The following VAV2 variants were observed in gnomAD, a reference collection of about 807,000 sequenced individuals.
The protein encoded by VAV2 is vav guanine nucleotide exchange factor 2.
In VAV2, 67 loss-of-function variants were observed where a neutral mutation model predicts 132.5. That is an observed-to-expected ratio of 0.51 (90% confidence interval 0.42 to 0.62). The LOEUF is 0.62. VAV2 is among the 20% of genes least tolerant of loss of function. The pLI, the probability that VAV2 is intolerant of heterozygous loss-of-function variation, is 0.00. For synonymous variants in VAV2, 492 were observed against 443.5 expected, an observed-to-expected ratio of 1.11 and a Z score of -1.37; for missense variants, 938 against 1,153.6, an observed-to-expected ratio of 0.81 and a Z score of 2.71.
intron 2 of VAV2, among the ~76,000 whole-genome samples, chr9:133,862,572 A>G (rs1425682676): frequency 6.6e-6 from 1 of 152,208 alleles, no homozygotes; most frequent in Non-Finnish European, 1.5e-5. Flanking sequence ...GCGCAGCTGT[A>G]TGTGCATGTG....
At position 133,833,157 on chromosome 9, in the gene VAV2, G is replaced by A. The variant is rs1836327408; in HGVS notation, c.449+1115C>T. ...TCTTTCACAGAAGTGCATGAGACTG[G>A]GCCGCCAGCGTGGTGCCACATGCTG... is the stretch of plus-strand genomic sequence containing the variant. On this transcript the variant is annotated intron_variant, in intron 4 of 29. Transcript: ENST00000371850. The surrounding 1 kb of genome is among the most constrained non-coding windows in gnomAD (Gnocchi z 5.6). Among the ~76,000 whole-genome samples the A allele has an allele frequency of 1.3e-5, 2 of 152,142 alleles. No individual in the cohort carries two copies. Among genetic ancestry groups the A allele is most frequent in the African/African-American group, 4.8e-5 (2 of 41,430 alleles).
chr9:133,861,412 C>T lies in VAV2; in HGVS notation c.342G>A (p.Arg114=). 2.5e-6 allele frequency: 4 copies of T among 1,613,408 alleles called. No individual in the cohort carries two copies. The highest frequency in any genetic ancestry group is 3.4e-6 in the Non-Finnish European group (4 of 1,179,780). Residue 114 remains arginine (R), a synonymous_variant, in exon 3 of 30, where the codon AGG becomes AGA. Transcript: ENST00000371850. Reference sequence around the variant, plus strand: ...TCTGCGCGATGCTGTGCAGGGAGAGCCTCGACACCGCGGAGATGACCTGGG... The same window carrying T: ...TCTGCGCGATGCTGTGCAGGGAGAGTCTCGACACCGCGGAGATGACCTGGG... ...DFGKVISAVS[R]LSLHSIAQNK... is the part of the protein sequence containing the mutation.
chr9:133,933,638 T>G (rs895288434), intron 2 of VAV2, among the ~76,000 whole-genome samples: 2 of 148,512 alleles, frequency 1.3e-5, no homozygotes, highest in East Asian at 2.0e-4. Flanking sequence ...GATGGATGGA[T>G]GGATGAATGG....
In VAV2 at chr9:133,824,949, C is replaced by T. The variant is rs1161744156; in HGVS notation, c.449+9323G>A. Reference sequence around the variant, plus strand: ...TTGACAGAGGGACCCTCCGGGGACGCTGGCTTCATTCACTCCATTCTGCCA... The same window carrying T: ...TTGACAGAGGGACCCTCCGGGGACGTTGGCTTCATTCACTCCATTCTGCCA... On this transcript the variant is annotated intron_variant, in intron 4 of 29. Coordinates refer to ENST00000371850, the MANE Select transcript of VAV2 (RefSeq NM_001134398.2). This position sits in a 1 kb window ranked among gnomAD's most constrained non-coding sequence, Gnocchi z 5.2. Among the ~76,000 whole-genome samples the T allele has an allele frequency of 6.6e-6, 1 of 152,230 alleles. No individual in the cohort carries two copies. Among genetic ancestry groups the T allele is most frequent in the Non-Finnish European group, 1.5e-5 (1 of 68,046 alleles).
rs1834324903 is a variant in VAV2, at chr9:133,788,504, G to A, written c.1275-18C>T. 1 of 1,601,572 alleles carries A rather than the reference G, an allele frequency of 6.2e-7. No homozygotes were observed. Among genetic ancestry groups the A allele is most frequent in the Non-Finnish European group, 8.5e-7 (1 of 1,170,160 alleles). On this transcript the variant is annotated intron_variant, in intron 14 of 29. Coordinates refer to ENST00000371850, the MANE Select transcript of VAV2 (RefSeq NM_001134398.2). The surrounding 1 kb of genome is among the most constrained non-coding windows in gnomAD (Gnocchi z 5.3). ...ACAAGTACCTGGGCCAGGCAGCGCA[G>A]CGGGGGATCAGCACCCCAGCACTGT...
intron 12 of VAV2, 24 bp downstream of exon 12, chr9:133,795,644 C>A: frequency 6.2e-7 from 1 of 1,613,728 alleles, no homozygotes; most frequent in African/African-American, 1.3e-5. Flanking sequence ...GTGGCTTCTC[C>A]CCTGCCTCAG....
At chr9:133,832,619 C>A (rs976874058) in intron 4 of VAV2, among the ~76,000 whole-genome samples, 1 of 151,916 alleles carries the variant, frequency 6.6e-6, no homozygotes, top group East Asian at 1.9e-4. Context: ...AGTGCAGTGG[C>A]GCAATCTTGG....
chr9:133,880,972 CA>C (rs1838469134), intron 2 of VAV2, among the ~76,000 whole-genome samples: 1 of 152,202 alleles, frequency 6.6e-6, no homozygotes, highest in African/African-American at 2.4e-5. Flanking sequence ...GTGGCTACAG[CA>C]CAGTCCCCCC....
At chr9:133,828,464 G>C (rs605858) in intron 4 of VAV2, among the ~76,000 whole-genome samples, 191 of 6,808 alleles carry the variant, frequency 0.028, 29 homozygotes, top group Middle Eastern at 0.12. Flanking sequence ...GGCATCGCCA[G>C]CTACCGCTGC....
intron 1 of VAV2, among the ~76,000 whole-genome samples, chr9:133,967,672 C>T (rs1024602279): frequency 6.6e-6 from 1 of 152,126 alleles, no homozygotes; most frequent in East Asian, 1.9e-4. Flanking sequence ...TGGCTCACAC[C>T]TATAATCCCA....
At chr9:133,981,554 G>C (rs563427239) in intron 1 of VAV2, among the ~76,000 whole-genome samples, 9 of 152,360 alleles carry the variant, frequency 5.9e-5, no homozygotes, top group East Asian at 1.9e-4. Flanking sequence ...CGAGTCCTGA[G>C]GCTCAGTGGG....
chr9:133,970,611 C>G (rs988266922), intron 1 of VAV2, among the ~76,000 whole-genome samples: 15 of 152,188 alleles, frequency 9.9e-5, no homozygotes, highest in Non-Finnish European at 1.9e-4. Context: ...TTCCCTGGGC[C>G]CAGCCTTGCT....
Position 133,834,279 on chromosome 9 carries a change from G to A in VAV2, c.442C>T (p.Leu148=). 1 of 1,609,904 alleles carries A rather than the reference G, an allele frequency of 6.2e-7. No homozygotes were observed. The highest frequency in any genetic ancestry group is 8.5e-7 in the Non-Finnish European group (1 of 1,178,208). Residue 148 remains leucine, a synonymous_variant, in exon 4 of 30, where the codon CTG becomes TTG. Transcript: ENST00000371850. The surrounding 1 kb of genome is among the most constrained non-coding windows in gnomAD (Gnocchi z 5.9). The stretch of plus-strand genomic sequence containing the variant: ...CCCATCCCCCCGCCTTACTCGGCCA[G>A]CTCCTCCAGGCTGCGGTAGACGTCA... ...DDDVYRSLEE[L]ADEHDLGEDI...
At chr9:133,782,250 T>G (rs1463864386) in intron 19 of VAV2, among the ~76,000 whole-genome samples, 2 of 152,156 alleles carry the variant, frequency 1.3e-5, no homozygotes, top group Non-Finnish European at 2.9e-5. Context: ...TCCAAATTTT[T>G]GATAAGTAAA....
chr9:133,862,854 T>C (rs1452002980), intron 2 of VAV2, among the ~76,000 whole-genome samples: 1 of 152,170 alleles, frequency 6.6e-6, no homozygotes, highest in Non-Finnish European at 1.5e-5. Context: ...CCAGCAGCAA[T>C]TTTCAAAAGG....
chr9:133,820,885 G>A (rs1053465470), intron 4 of VAV2, among the ~76,000 whole-genome samples: 1 of 152,184 alleles, frequency 6.6e-6, no homozygotes, highest in Non-Finnish European at 1.5e-5. Context: ...TCACCTCAGC[G>A]TTCTCACTAG....
At chr9:133,766,261 G>A (rs1224821959) in intron 29 of VAV2, among the ~76,000 whole-genome samples, 1 of 152,196 alleles carries the variant, frequency 6.6e-6, no homozygotes, top group Non-Finnish European at 1.5e-5. Context: ...CACAATGGTT[G>A]AACTAGTTTA....
At chr9:133,774,371 C>T (rs977174519) in intron 25 of VAV2, among the ~76,000 whole-genome samples, 2 of 152,202 alleles carry the variant, frequency 1.3e-5, no homozygotes, top group African/African-American at 4.8e-5. Context: ...TGGGCAATGT[C>T]CCACCAGCTC....
At chr9:133,944,156 G>C (rs1346490543) in intron 1 of VAV2, among the ~76,000 whole-genome samples, 1 of 152,148 alleles carries the variant, frequency 6.6e-6, no homozygotes, top group African/African-American at 2.4e-5. Context: ...TTGTGATGGG[G>C]ACACAATGGC....
Sources: gnomAD v4.1 joint callset for allele counts (sites outside exome capture counted in the v4.1 genomes callset) on GRCh38, gnomAD v4.1.1 for gene constraint, Gnocchi (gnomAD v3.1) non-coding constraint, MANE v1.5 for transcripts, NCBI Gene and HGNC (gene_info 2026-07-23, HGNC 2026-07-21) for gene names.